Variants in FBN2 observed in about 807,000 individuals in gnomAD.
The protein encoded by FBN2 is fibrillin-2.
In FBN2, 105 loss-of-function variants were observed where a neutral mutation model predicts 355.6. The ratio of observed to expected loss-of-function variants is 0.30; its 90% CI spans 0.25 to 0.35. The LOEUF is 0.35. FBN2 is among the 10% of genes least tolerant of loss of function. The pLI, the probability that FBN2 is intolerant of heterozygous loss-of-function variation, is 1.00. For missense variants in FBN2, 3,280 were observed against 3,758.7 expected (o/e 0.87, Z 3.33); for synonymous variants, 1,350 against 1,301.2 (o/e 1.04, Z -0.81).
At chr5:128,451,503 G>A (rs1003386589) in intron 6 of FBN2, among the ~76,000 whole-genome samples, 2 of 152,090 alleles carry the variant, frequency 1.3e-5, no homozygotes, top group Non-Finnish European at 2.9e-5. Context: ...GGGTTCAAGC[G>A]ATTGTCCTGC....
chr5:128,365,675 TA>T (rs1416451386), intron 17 of FBN2, among the ~76,000 whole-genome samples: 1 of 150,170 alleles, frequency 6.7e-6, no homozygotes, highest in East Asian at 1.9e-4. Flanking sequence ...ACCGTATATA[TA>T]TTTATATATA....
intron 45 of FBN2, among the ~76,000 whole-genome samples, chr5:128,304,686 C>T (rs920060080): frequency 6.6e-6 from 1 of 152,128 alleles, no homozygotes; most frequent in African/African-American, 2.4e-5. Flanking sequence ...TCTTGTCAAG[C>T]CATGTGAACA....
intron 62 of FBN2, among the ~76,000 whole-genome samples, chr5:128,268,787 T>A (rs938344895): frequency 6.6e-6 from 1 of 152,176 alleles, no homozygotes; most frequent in Admixed American, 6.5e-5. Flanking sequence ...CATGATTATC[T>A]CAATAGATGC....
At chr5:128,276,999 C>T (rs190482806) in intron 58 of FBN2, among the ~76,000 whole-genome samples, 1 of 152,256 alleles carries the variant, frequency 6.6e-6, no homozygotes, top group Non-Finnish European at 1.5e-5. Context: ...ATCTCCATTT[C>T]CTCCATATAA....
At chr5:128,392,700 A>C (rs1752547474) in intron 10 of FBN2, among the ~76,000 whole-genome samples, 1 of 152,224 alleles carries the variant, frequency 6.6e-6, no homozygotes, top group Admixed American at 6.5e-5. Flanking sequence ...CAAGATATTC[A>C]GTTTATCTCA....
intron 4 of FBN2, among the ~76,000 whole-genome samples, chr5:128,521,194 GAAC>G (rs768106993): frequency 1.5e-4 from 23 of 152,246 alleles, no homozygotes; most frequent in Non-Finnish European, 2.9e-4. Flanking sequence ...CCATAAAAAG[GAAC>G]AACATAATGT....
chr5:128,341,233 G>A (rs1315323203), intron 25 of FBN2, among the ~76,000 whole-genome samples: 1 of 152,178 alleles, frequency 6.6e-6, no homozygotes, highest in African/African-American at 2.4e-5. Context: ...GAAGAGGTGG[G>A]GTCAGAACTG....
At chr5:128,349,518 G>GA (rs754493007) in intron 22 of FBN2, 46 bp from the exon 23 acceptor site, 1 of 1,605,058 alleles carries the variant, frequency 6.2e-7, no homozygotes, top group Admixed American at 1.7e-5. Flanking sequence ...GTTACAAATA[G>GA]AAAAAGCAGG....
intron 11 of FBN2, among the ~76,000 whole-genome samples, chr5:128,388,083 A>G (rs960632973): frequency 6.6e-6 from 1 of 152,110 alleles, no homozygotes; most frequent in Non-Finnish European, 1.5e-5. Flanking sequence ...CTGAACCTTT[A>G]TTATTATGTA....
intron 13 of FBN2, 89 bp from the exon 14 acceptor site, chr5:128,376,942 C>T (rs1344486738): frequency 1.3e-6 from 2 of 1,505,706 alleles, no homozygotes; most frequent in Non-Finnish European, 1.8e-6. Flanking sequence ...TCAAATTCCA[C>T]TACCTAAATG....
At chr5:128,450,720 C>T (rs541134337) in intron 6 of FBN2, among the ~76,000 whole-genome samples, 1 of 151,768 alleles carries the variant, frequency 6.6e-6, no homozygotes, top group South Asian at 2.1e-4. Context: ...TAATCAATTA[C>T]TATAAAACCT....
Position 128,263,450 on chromosome 5 carries a change from G to C in FBN2, c.8167C>G (p.Pro2723Ala), listed in dbSNP as rs143401228. ...TEGGYLCGCP[P>A]GYYRVGQGHC... ...CCTTGTCCCACTCTGTAATACCCAG[G>C]GGGGCAGCCACAGAGGTAGCCCCCC... is the stretch of plus-strand genomic sequence containing the variant. Residue 2723 changes from proline to alanine, a missense_variant, in exon 63 of 65, where the codon CCT (proline) becomes GCT (alanine). Coordinates refer to ENST00000262464, the MANE Select transcript of FBN2 (RefSeq NM_001999.4). 1.1e-5 allele frequency: 17 copies of C among 1,613,800 alleles called. No homozygotes were observed. The highest frequency in any genetic ancestry group is 2.2e-5 in the South Asian group (2 of 91,068).
At position 128,464,880 on chromosome 5, in the gene FBN2, T is replaced by C; in HGVS notation, c.670A>G (p.Met224Val). ...ATGCCTGTCAGCTGCCCTTGGCACA[T>C]CTGGTTGTTGACCTGAGTGAAACAC... ...GPCFTQVNNQ[M>V]CQGQLTGIVC... is the part of the protein sequence containing the mutation. The change falls in exon 6 of 65, where the codon ATG becomes GTG. Residue 224 changes from methionine to valine, a missense_variant. This residue lies in a region of FBN2 where 130 missense variants were observed against 189.9 expected (regional missense o/e 0.68). Coordinates refer to ENST00000262464, the MANE Select transcript of FBN2 (RefSeq NM_001999.4). The C allele has an allele frequency of 6.2e-7, 1 of 1,614,240 alleles. No individual in the cohort carries two copies. Among genetic ancestry groups the C allele is most frequent in the Non-Finnish European group, 8.5e-7 (1 of 1,180,042 alleles).
chr5:128,364,213 G>A (rs1751710423), intron 18 of FBN2, among the ~76,000 whole-genome samples: 1 of 152,038 alleles, frequency 6.6e-6, no homozygotes, highest in Non-Finnish European at 1.5e-5. Flanking sequence ...GCAACTGGTT[G>A]TTTCTTTATG....
intron 5 of FBN2, among the ~76,000 whole-genome samples, chr5:128,481,604 G>C (rs1278790604): frequency 6.6e-6 from 1 of 152,146 alleles, no homozygotes; most frequent in African/African-American, 2.4e-5. Flanking sequence ...AAAACATTCT[G>C]ATGCTCAACT....
chr5:128,386,262 C>A (rs1238576514), intron 11 of FBN2, among the ~76,000 whole-genome samples: 1 of 152,140 alleles, frequency 6.6e-6, no homozygotes, highest in East Asian at 1.9e-4. Context: ...ATTGCAGCAT[C>A]ATTTATCGAA....
intron 25 of FBN2, among the ~76,000 whole-genome samples, chr5:128,340,052 C>T (rs890528810): frequency 1.7e-4 from 26 of 152,122 alleles, no homozygotes; most frequent in African/African-American, 5.6e-4. Flanking sequence ...TTCTCAAACA[C>T]AGGGTTCTCT....
intron 26 of FBN2, 51 bp from the exon 27 acceptor site, chr5:128,338,173 T>C (rs779970805): frequency 2.3e-5 from 36 of 1,574,024 alleles, no homozygotes; most frequent in Non-Finnish European, 3.0e-5. Context: ...GGAAAAATAT[T>C]CACACATACA....
Position 128,374,665 on chromosome 5 carries a change from T to C in FBN2, c.2058A>G (p.Pro686=). ...SEGSFRCDCP[P]GLAVGMDGRV... ...GTCCATCCATGCCCACAGCCAGGCC[T>C]GGGGGACAGTCACAGCGGAAGGACC... Residue 686 remains proline (P), a synonymous_variant, in exon 15 of 65, where the codon CCA becomes CCG. Transcript: ENST00000262464. The C allele has an allele frequency of 1.9e-6, 3 of 1,613,974 alleles. No homozygotes were observed. Among genetic ancestry groups the C allele is most frequent in the Non-Finnish European group, 1.7e-6 (2 of 1,179,920 alleles).
Sources: allele counts gnomAD v4.1 joint callset (sites outside exome capture counted in the v4.1 genomes callset), GRCh38; gene constraint gnomAD v4.1.1; regional missense constraint gnomAD v4.1.1; transcripts MANE v1.5; gene names NCBI Gene and HGNC (gene_info 2026-07-23, HGNC 2026-07-21).